SDK1: variants seen among roughly 807,000 people sequenced by gnomAD.
SDK1 encodes the protein protein sidekick-1.
Under a neutral mutation model 245.5 loss-of-function variants are expected in SDK1, and 157 were observed. The observed-to-expected ratio is 0.64, with a 90% CI of 0.56 to 0.73. The LOEUF (loss-of-function observed/expected upper bound fraction) is 0.73, where lower values mean the gene tolerates loss of function less well. Ranked by LOEUF, SDK1 falls within the 30% of genes least tolerant of loss-of-function variation. The pLI, the probability that SDK1 is intolerant of heterozygous loss-of-function variation, is 0.00. For missense variants in SDK1, 3,583 were observed against 3,002.3 expected, an observed-to-expected ratio of 1.19 and a Z score of -4.52; for synonymous variants, 1,647 against 1,278.5, an observed-to-expected ratio of 1.29 and a Z score of -6.15.
At chr7:3,374,967 C>T (rs971709105) in intron 1 of SDK1, among the ~76,000 whole-genome samples, 1 of 152,176 alleles carries the variant, frequency 6.6e-6, no homozygotes, top group Non-Finnish European at 1.5e-5. Context: ...TATCGTATAT[C>T]TAACACCTGT....
intron 1 of SDK1, among the ~76,000 whole-genome samples, chr7:3,605,181 CT>C (rs1781382583): frequency 7.1e-6 from 1 of 140,502 alleles, no homozygotes; most frequent in African/African-American, 2.6e-5. Context: ...GTGATGTCTA[CT>C]GTATAATGTA....
intron 1 of SDK1, among the ~76,000 whole-genome samples, chr7:3,520,618 C>T (rs1448353608): frequency 6.6e-6 from 1 of 152,142 alleles, no homozygotes; most frequent in African/African-American, 2.4e-5. Flanking sequence ...GACCTGCTTC[C>T]TTAAGAATTC....
chr7:3,448,361 C>T (rs767683451), intron 1 of SDK1, among the ~76,000 whole-genome samples: 1 of 152,104 alleles, frequency 6.6e-6, no homozygotes, highest in African/African-American at 2.4e-5. Flanking sequence ...TTGCCTTTTA[C>T]TTACCAGTTT....
At chr7:4,098,055 C>G (rs144019209) in intron 22 of SDK1, among the ~76,000 whole-genome samples, 7 of 152,294 alleles carry the variant, frequency 4.6e-5, no homozygotes, top group Admixed American at 3.9e-4. Context: ...TTCTTGGTTG[C>G]TCGACTGTCC....
chr7:3,932,594 G>C (rs1780015928), intron 5 of SDK1, among the ~76,000 whole-genome samples: 2 of 152,172 alleles, frequency 1.3e-5, no homozygotes, highest in African/African-American at 4.8e-5. Context: ...TTCCTGATTT[G>C]TTTGTACCTC....
At chr7:4,179,940 T>G (rs1349159781) in intron 35 of SDK1, among the ~76,000 whole-genome samples, 3 of 151,446 alleles carry the variant, frequency 2.0e-5, no homozygotes, top group African/African-American at 7.3e-5. Flanking sequence ...GCAGAAGGTG[T>G]GGGTGTCAGA....
intron 17 of SDK1, among the ~76,000 whole-genome samples, chr7:4,030,320 C>T (rs147850202): frequency 4.8e-4 from 73 of 152,320 alleles, no homozygotes; most frequent in African/African-American, 1.6e-3. Flanking sequence ...AAACAGCTTA[C>T]GCAGAAGACA....
chr7:3,540,502 G>C (rs1056898296), intron 1 of SDK1, among the ~76,000 whole-genome samples: 1 of 152,162 alleles, frequency 6.6e-6, no homozygotes, highest in East Asian at 1.9e-4. Context: ...AAAAGGCGCA[G>C]TTAAAGAACC....
chr7:3,535,397 A>G (rs190885069), intron 1 of SDK1, among the ~76,000 whole-genome samples: 2 of 152,332 alleles, frequency 1.3e-5, no homozygotes, highest in East Asian at 1.9e-4. Context: ...GTTACCTTCA[A>G]AAGTTTATAG....
chr7:3,409,640 G>C (rs1189300396), intron 1 of SDK1, among the ~76,000 whole-genome samples: 1 of 152,200 alleles, frequency 6.6e-6, no homozygotes, highest in Non-Finnish European at 1.5e-5. Flanking sequence ...GAAATCCCAA[G>C]ACTGGAGGTG....
intron 1 of SDK1, among the ~76,000 whole-genome samples, chr7:3,351,937 C>T (rs943386274): frequency 6.6e-6 from 1 of 151,976 alleles, no homozygotes; most frequent in African/African-American, 2.4e-5. Flanking sequence ...CCATTCTTTT[C>T]AAGCACATGG....
intron 17 of SDK1, among the ~76,000 whole-genome samples, chr7:4,048,123 AGT>A (rs1408576268): frequency 1.3e-5 from 2 of 152,068 alleles, no homozygotes; most frequent in Non-Finnish European, 2.9e-5. Flanking sequence ...AGCCGAGAAG[AGT>A]GTAGCGATTT....
chr7:3,554,277 A>T (rs1395540690), intron 1 of SDK1, among the ~76,000 whole-genome samples: 2 of 152,214 alleles, frequency 1.3e-5, no homozygotes, highest in Non-Finnish European at 2.9e-5. Flanking sequence ...GTCTATTAGA[A>T]ATCAGTAACA....
intron 1 of SDK1, among the ~76,000 whole-genome samples, chr7:3,550,643 G>C (rs1199989943): frequency 1.3e-5 from 2 of 152,104 alleles, no homozygotes; most frequent in African/African-American, 4.8e-5. Context: ...CTCTTGTGCT[G>C]ATTATATCCA....
intron 4 of SDK1, among the ~76,000 whole-genome samples, chr7:3,808,738 G>T (rs1197492381): frequency 6.6e-6 from 1 of 152,170 alleles, no homozygotes; most frequent in Non-Finnish European, 1.5e-5. Flanking sequence ...TTCCAGAACA[G>T]TGTCCATCGT....
chr7:3,807,716 C>G (rs1025932170), intron 4 of SDK1, among the ~76,000 whole-genome samples: 2 of 152,154 alleles, frequency 1.3e-5, no homozygotes, highest in Non-Finnish European at 2.9e-5. Context: ...CAGAGACAAC[C>G]ATTAAAGGAC....
chr7:4,004,391 C>T (rs1428453530), intron 14 of SDK1, among the ~76,000 whole-genome samples: 1 of 152,198 alleles, frequency 6.6e-6, no homozygotes, highest in Non-Finnish European at 1.5e-5. Context: ...AATTTTTCCA[C>T]TTAACTGTAA....
intron 17 of SDK1, among the ~76,000 whole-genome samples, chr7:4,028,922 T>C (rs1187606551): frequency 1.3e-5 from 2 of 152,118 alleles, no homozygotes; most frequent in Non-Finnish European, 2.9e-5. Flanking sequence ...GGGACAGGAC[T>C]CCAGGTTCAT....
At chr7:3,496,274 G>C (rs1294603898) in intron 1 of SDK1, among the ~76,000 whole-genome samples, 1 of 152,084 alleles carries the variant, frequency 6.6e-6, no homozygotes, top group Admixed American at 6.5e-5. Context: ...GTCTGGTGTG[G>C]AAGCATGTGT....
Sources: allele counts gnomAD v4.1 joint callset (sites outside exome capture counted in the v4.1 genomes callset), GRCh38; gene constraint gnomAD v4.1.1; transcripts MANE v1.5; gene names NCBI Gene and HGNC (gene_info 2026-07-23, HGNC 2026-07-21).